The following DLC1 variants were observed in gnomAD, a reference collection of about 807,000 sequenced individuals.
The protein encoded by DLC1 is rho GTPase-activating protein 7.
DLC1 carries 54 observed loss-of-function variants against 140.3 expected under a neutral mutation model. The observed-to-expected ratio is 0.38, with a 90% CI of 0.31 to 0.48. DLC1 has a LOEUF of 0.48. Ranked by LOEUF, DLC1 falls within the 20% of genes least tolerant of loss-of-function variation. The pLI is 0.96. For missense variants in DLC1, 2,536 were observed against 1,907.0 expected, an observed-to-expected ratio of 1.33 and a Z score of -6.14; for synonymous variants, 986 against 728.1, an observed-to-expected ratio of 1.35 and a Z score of -5.70.
Position 13,554,285 on chromosome 8 carries a change from T to C in DLC1, c.-126+50252A>G, listed in dbSNP as rs190585723. Among the ~76,000 whole-genome samples the C allele has an allele frequency of 2.0e-5, 3 of 152,238 alleles. No individual in the cohort carries two copies. In the East Asian group the frequency reaches 5.8e-4, roughly 30 times the overall value. ...TTTCGCCCTGTTGGCAGGCTGGTCT[T>C]GAACTTCTGACCTCAAGTGATCTGG... On this transcript the variant is annotated intron_variant, in intron 1 of 1. Transcript: ENST00000631382.
At chr8:13,115,328 C>T (rs1332177922) in intron 6 of DLC1, among the ~76,000 whole-genome samples, 2 of 152,088 alleles carry the variant, frequency 1.3e-5, no homozygotes, top group Middle Eastern at 3.4e-3. Context: ...AAAAAGAAAG[C>T]AAGAAAATGA....
chr8:13,404,922 G>T (rs932512095), intron 2 of DLC1, among the ~76,000 whole-genome samples: 1 of 151,972 alleles, frequency 6.6e-6, no homozygotes, highest in Non-Finnish European at 1.5e-5. Context: ...CAAGAGAGTC[G>T]CTTGAACCTG....
chr8:13,518,306 A>G (rs1395609175), upstream of DLC1, among the ~76,000 whole-genome samples: 1 of 152,090 alleles, frequency 6.6e-6, no homozygotes, highest in Non-Finnish European at 1.5e-5. Context: ...ACAGGGTTTC[A>G]TCGTGTTGGC....
At chr8:13,463,966 AAAG>A (rs1236700215) in intron 2 of DLC1, among the ~76,000 whole-genome samples, 1 of 152,224 alleles carries the variant, frequency 6.6e-6, no homozygotes, top group East Asian at 1.9e-4. Context: ...ACTGAAATAA[AAAG>A]AAGAGAGAAA....
chr8:13,126,365 C>CCACA (rs974648895), intron 5 of DLC1, among the ~76,000 whole-genome samples: 3 of 106,530 alleles, frequency 2.8e-5, no homozygotes, highest in African/African-American at 1.6e-4. Context: ...ATCTCTCTAT[C>CCACA]CATACACACA....
intron 2 of DLC1, among the ~76,000 whole-genome samples, chr8:13,453,414 A>ATG (rs1799178001): frequency 6.0e-5 from 3 of 49,908 alleles, no homozygotes; most frequent in East Asian, 5.9e-4. Context: ...GTATATATAT[A>ATG]TATATATATG....
At chr8:13,425,967 C>G (rs1228991163) in intron 2 of DLC1, among the ~76,000 whole-genome samples, 1 of 152,062 alleles carries the variant, frequency 6.6e-6, no homozygotes, top group Non-Finnish European at 1.5e-5. Flanking sequence ...CATGCACCAC[C>G]ACATCTGGCT....
chr8:13,389,624 C>T (rs995817357), intron 4 of DLC1, among the ~76,000 whole-genome samples: 186 of 152,192 alleles, frequency 1.2e-3, no homozygotes, highest in Non-Finnish European at 2.1e-3. Context: ...TCAGCATGAT[C>T]TACACATAGA....
At chr8:13,216,799 C>T (rs899262684) in intron 5 of DLC1, among the ~76,000 whole-genome samples, 2 of 152,052 alleles carry the variant, frequency 1.3e-5, no homozygotes, top group African/African-American at 4.8e-5. Context: ...TAGTAGTACC[C>T]CCAGCTGTGA....
intron 1 of DLC1, among the ~76,000 whole-genome samples, chr8:13,528,640 G>A (rs933932114): frequency 6.6e-6 from 1 of 152,120 alleles, no homozygotes; most frequent in Non-Finnish European, 1.5e-5. Flanking sequence ...TTCTTATGTA[G>A]ACAAATGAAT....
intron 1 of DLC1, chr8:13,558,732 G>A (rs1804141827): frequency 6.6e-6 from 1 of 152,132 alleles, no homozygotes; most frequent in African/African-American, 2.4e-5. Flanking sequence ...GGATTACACA[G>A]TGTAATTAAT....
chr8:13,200,857 C>T (rs1355748894), intron 5 of DLC1, among the ~76,000 whole-genome samples: 1 of 152,156 alleles, frequency 6.6e-6, no homozygotes, highest in Non-Finnish European at 1.5e-5. Context: ...CTTGGCCCCC[C>T]AAACTATTGG....
chr8:13,172,850 C>G lies in DLC1; in HGVS notation c.1349-57193G>C, dbSNP rs572869895. On this transcript the variant is annotated intron_variant, in intron 5 of 17. Transcript: ENST00000276297. ...GCAAGATTCATTTATCAAATCCTAG[C>G]TTACTCTCATCCCGAGTTCCTTTTC... Among the ~76,000 whole-genome samples, 4 of 152,326 alleles carry G rather than the reference C, an allele frequency of 2.6e-5. No homozygotes were observed. The East Asian group carries it at 7.7e-4, about 29-fold the overall frequency.
chr8:13,243,575 A>G (rs2117252661), intron 5 of DLC1, among the ~76,000 whole-genome samples: 1 of 152,234 alleles, frequency 6.6e-6, no homozygotes, highest in East Asian at 1.9e-4. Flanking sequence ...CAATAGGAAC[A>G]ATGATGAAGA....
At chr8:13,275,156 C>G (rs1428675711) in intron 5 of DLC1, among the ~76,000 whole-genome samples, 1 of 152,176 alleles carries the variant, frequency 6.6e-6, no homozygotes, top group Non-Finnish European at 1.5e-5. Flanking sequence ...GTGCAACAGA[C>G]AGAAAGATTT....
At chr8:13,518,507 A>G (rs988195402), upstream of DLC1, among the ~76,000 whole-genome samples, 1 of 152,234 alleles carries the variant, frequency 6.6e-6, no homozygotes, top group Non-Finnish European at 1.5e-5. Context: ...GGAAAGTTGA[A>G]TCTGGACTTC....
At chr8:13,342,703 G>A (rs59738387) in intron 4 of DLC1, 32,825 of 152,810 alleles carry the variant, frequency 0.21, 3,921 homozygotes, top group East Asian at 0.42. Flanking sequence ...ATGGATTTTG[G>A]ACTTGCCAGC....
chr8:13,152,508 A>T (rs1273491577), intron 5 of DLC1, among the ~76,000 whole-genome samples: 3 of 152,198 alleles, frequency 2.0e-5, no homozygotes, highest in Non-Finnish European at 4.4e-5. Flanking sequence ...TTTCCATGAA[A>T]TATTGAGGCA....
Position 13,427,132 on chromosome 8 carries a change from G to A in DLC1, c.1024-25513C>T, listed in dbSNP as rs138211482. On this transcript the variant is annotated intron_variant, in intron 2 of 17. Transcript: ENST00000276297. Reference sequence around the variant, plus strand: ...CACATTTGTCTTCATACAAATGTATGTGGGGCTCTTGGCTCTCTCCCTGCC... The same window carrying A: ...CACATTTGTCTTCATACAAATGTATATGGGGCTCTTGGCTCTCTCCCTGCC... Among the ~76,000 whole-genome samples the A allele has an allele frequency of 1.8e-3, 276 of 152,180 alleles. 2 individuals carry two copies. The highest frequency in any genetic ancestry group is 6.2e-3 in the African/African-American group (259 of 41,510).
Sources: allele counts gnomAD v4.1 joint callset (sites outside exome capture counted in the v4.1 genomes callset), GRCh38; gene constraint gnomAD v4.1.1; transcripts MANE v1.5; gene names NCBI Gene and HGNC (gene_info 2026-07-23, HGNC 2026-07-21).